Variants in ZNF697 observed in about 807,000 individuals in gnomAD.
ZNF697 encodes the protein zinc finger protein 697.
In ZNF697, 23 loss-of-function variants were observed where a neutral mutation model predicts 32.4. The observed-to-expected ratio is 0.71, with a 90% CI of 0.51 to 1.01. The LOEUF is 1.01. ZNF697 is among the 50% of genes least tolerant of loss of function. The probability of loss-of-function intolerance (pLI) is 0.00; values close to 1 mark genes in which losing one functional copy is unlikely to be tolerated. For missense variants in ZNF697, 930 were observed against 794.0 expected (o/e 1.17, Z -2.06); for synonymous variants, 418 against 337.2 (o/e 1.24, Z -2.62).
chr1:119,621,224 CAAGT>C lies in ZNF697; in HGVS notation c.*1477_*1480del, dbSNP rs1319012344. On this transcript the variant is annotated 3_prime_UTR_variant, in exon 3 of 3. Transcript: ENST00000421812. ...CTTAATTTTATTATATAAATCATGA[CAAGT>C]AAGTCTTCCTAGCAGCTGAGCTGGA... The C allele has an allele frequency of 6.6e-6, 1 of 152,140 alleles. No individual in the cohort carries two copies. The highest frequency in any genetic ancestry group is 1.5e-5 in the Non-Finnish European group (1 of 68,024). The allele number at this position is 152,140 out of a possible 1,614,324, so 9.4% of individuals were successfully genotyped here.
intron 2 of ZNF697, 36 bp downstream of exon 2, chr1:119,625,839 T>G: frequency 6.2e-7 from 1 of 1,608,524 alleles, no homozygotes; most frequent in South Asian, 1.1e-5. Flanking sequence ...AGTGTAACTT[T>G]GGCAACTTGC....
intron 1 of ZNF697, among the ~76,000 whole-genome samples, chr1:119,638,304 G>C (rs943799077): frequency 2.6e-5 from 4 of 152,220 alleles, no homozygotes; most frequent in Non-Finnish European, 5.9e-5. Flanking sequence ...CGGGCTTCCA[G>C]ATGGGACAAC....
intron 1 of ZNF697, among the ~76,000 whole-genome samples, chr1:119,633,711 T>C (rs968516184): frequency 5.9e-5 from 9 of 152,262 alleles, no homozygotes; most frequent in African/African-American, 2.2e-4. Context: ...CCCAGCCAAA[T>C]TGACACATAA....
In ZNF697 at chr1:119,622,703, C is replaced by T. The variant is rs1231508754; in HGVS notation, c.*2G>A. ...GACGGCAGCCTCCCGCGGACCCAGCCCCTAACACAGGTGCAGCTTCTGGTG... is the reference window on the plus strand; with the variant it reads ...GACGGCAGCCTCCCGCGGACCCAGCTCCTAACACAGGTGCAGCTTCTGGTG... On this transcript the variant is annotated 3_prime_UTR_variant, in exon 3 of 3. Coordinates refer to ENST00000421812, the MANE Select transcript of ZNF697 (RefSeq NM_001080470.2). 9 of 1,522,420 alleles carry T rather than the reference C, an allele frequency of 5.9e-6. No individual in the cohort carries two copies. The highest frequency in any genetic ancestry group is 1.4e-5 in the African/African-American group (1 of 72,684). 94.3% of individuals were successfully genotyped at this position (1,522,420 alleles called of 1,614,324 possible). A position where few individuals can be genotyped will look rare whatever the true frequency, so the allele number is the denominator to read the frequency against.
intron 1 of ZNF697, among the ~76,000 whole-genome samples, chr1:119,639,557 G>A (rs187688129): frequency 8.0e-4 from 121 of 152,126 alleles, no homozygotes; most frequent in African/African-American, 2.6e-3. Context: ...GTCCTTTTCC[G>A]GAGGCAGCAG....
chr1:119,634,018 G>T (rs1648854021), intron 1 of ZNF697, among the ~76,000 whole-genome samples: 1 of 152,172 alleles, frequency 6.6e-6, no homozygotes, highest in African/African-American at 2.4e-5. Flanking sequence ...AACAGGTTAA[G>T]ACTGCACCAG....
Position 119,622,488 on chromosome 1 carries a change from T to C in ZNF697, c.*217A>G. 5.6e-6 allele frequency: 5 copies of C among 889,878 alleles called. No individual in the cohort carries two copies. Among genetic ancestry groups the C allele is most frequent in the Admixed American group, 3.4e-5 (1 of 29,676 alleles). 55.1% of individuals were successfully genotyped at this position (889,878 alleles called of 1,614,324 possible). A position where few individuals can be genotyped will look rare whatever the true frequency, so the allele number is the denominator to read the frequency against. The stretch of plus-strand genomic sequence containing the variant: ...AAGTCATCACCCCAAGCGCATCTCC[T>C]GAACAATTCTTCCGTGGAGAGGAGG... On this transcript the variant is annotated 3_prime_UTR_variant, in exon 3 of 3. Coordinates refer to ENST00000421812, the MANE Select transcript of ZNF697 (RefSeq NM_001080470.2).
chr1:119,626,844 G>A (rs956049739), intron 1 of ZNF697, among the ~76,000 whole-genome samples: 2 of 152,080 alleles, frequency 1.3e-5, no homozygotes, highest in Admixed American at 1.3e-4. Flanking sequence ...AGGTACAGGG[G>A]ACCCTCTATA....
intron 1 of ZNF697, among the ~76,000 whole-genome samples, chr1:119,644,347 G>A (rs1323213183): frequency 1.3e-5 from 2 of 152,106 alleles, no homozygotes; most frequent in African/African-American, 2.4e-5. Flanking sequence ...TAGAGTTTAA[G>A]GACATAAAAA....
At chr1:119,625,716 A>G (rs1311279013) in intron 2 of ZNF697, among the ~76,000 whole-genome samples, 159 bp downstream of exon 2, 4 of 152,236 alleles carry the variant, frequency 2.6e-5, no homozygotes, top group Non-Finnish European at 5.9e-5. Context: ...GATGGTCTTC[A>G]GGCTAACACA....
At position 119,647,143 on chromosome 1, in the gene ZNF697, G is replaced by A. The variant is rs1382455513; in HGVS notation, c.-38+548C>T. Among the ~76,000 whole-genome samples, 5 of 152,308 alleles carry A rather than the reference G, an allele frequency of 3.3e-5. No homozygotes were observed. In the East Asian group the frequency reaches 9.7e-4, roughly 29 times the overall value. On this transcript the variant is annotated intron_variant, in intron 1 of 2. Transcript: ENST00000421812. The stretch of plus-strand genomic sequence containing the variant: ...AGGAAAATCGTGGAAAGTCCCAGAG[G>A]AAGTGGTAGTCAGTTCCCGATGCAT...
At position 119,623,980 on chromosome 1, in the gene ZNF697, G is replaced by C. The variant is rs769097964; in HGVS notation, c.363C>G (p.Asp121Glu). 2 of 1,610,664 alleles carry C rather than the reference G, an allele frequency of 1.2e-6. No homozygotes were observed. Among genetic ancestry groups the C allele is most frequent in the South Asian group, 1.1e-5 (1 of 90,182 alleles). The change falls in exon 3 of 3, where the codon GAC becomes GAG. Residue 121 changes from aspartate to glutamate, a missense_variant. Coordinates refer to ENST00000421812, the MANE Select transcript of ZNF697 (RefSeq NM_001080470.2). ...SISRSLREDD[D>E]ESAGENRLEE... ...CCAGCCGGTTCTCCCCAGCACTCTC[G>C]TCGTCGTCCTCCCGGAGGCTCCGGG...
Position 119,622,694 on chromosome 1 carries a change from G to A in ZNF697, c.*11C>T, listed in dbSNP as rs1056478965. On this transcript the variant is annotated 3_prime_UTR_variant, in exon 3 of 3. Transcript: ENST00000421812. ...GGCTCCCCAGACGGCAGCCTCCCGC[G>A]GACCCAGCCCCTAACACAGGTGCAG... 3 of 1,500,988 alleles carry A rather than the reference G, an allele frequency of 2.0e-6. No individual in the cohort carries two copies. Among genetic ancestry groups the A allele is most frequent in the African/African-American group, 2.8e-5 (2 of 71,910 alleles). 93.0% of individuals were successfully genotyped at this position (1,500,988 alleles called of 1,614,324 possible).
intron 1 of ZNF697, among the ~76,000 whole-genome samples, chr1:119,637,241 GA>G (rs2101091827): frequency 6.6e-6 from 1 of 152,326 alleles, no homozygotes; most frequent in African/African-American, 2.4e-5. Context: ...GCAACATAGG[GA>G]GGCCTAGTTC....
intron 1 of ZNF697, among the ~76,000 whole-genome samples, chr1:119,646,950 T>G (rs587763207): frequency 5.9e-4 from 90 of 152,222 alleles, no homozygotes; most frequent in Admixed American, 1.7e-3. Flanking sequence ...CAGTAGGGGA[T>G]GCGGAGTATT....
At chr1:119,624,645 A>G (rs1284007831) in intron 2 of ZNF697, among the ~76,000 whole-genome samples, 6 of 152,098 alleles carry the variant, frequency 3.9e-5, no homozygotes, top group African/African-American at 1.4e-4. Context: ...TCCAGGCTGG[A>G]GTGCAGTGGC....
intron 1 of ZNF697, among the ~76,000 whole-genome samples, chr1:119,629,303 A>G (rs1288471049): frequency 6.6e-6 from 1 of 152,274 alleles, no homozygotes; most frequent in Non-Finnish European, 1.5e-5. Flanking sequence ...GATAACCTCA[A>G]TCTAGAAAAC....
chr1:119,641,514 G>C (rs145620366), intron 1 of ZNF697, among the ~76,000 whole-genome samples: 285 of 152,254 alleles, frequency 1.9e-3, no homozygotes, highest in African/African-American at 6.4e-3. Flanking sequence ...ATGGGCAAAA[G>C]ATCTGAACAG....
At position 119,620,497 on chromosome 1, in the gene ZNF697, G is replaced by A. The variant is rs769780594; in HGVS notation, c.*2208C>T. On this transcript the variant is annotated 3_prime_UTR_variant, in exon 3 of 3. Coordinates refer to ENST00000421812, the MANE Select transcript of ZNF697 (RefSeq NM_001080470.2). ...ATGTACATGGAAAGAAACCCACAAA[G>A]CAGTAAGATTACCTAGAAATTGGCT... is the stretch of plus-strand genomic sequence containing the variant. The A allele has an allele frequency of 1.3e-5, 2 of 152,614 alleles. No homozygotes were observed. Among genetic ancestry groups the A allele is most frequent in the Admixed American group, 1.3e-4 (2 of 15,282 alleles). The allele number at this position is 152,614 out of a possible 1,614,324, so 9.5% of individuals were successfully genotyped here.
Sources: allele counts gnomAD v4.1 joint callset (sites outside exome capture counted in the v4.1 genomes callset), GRCh38; gene constraint gnomAD v4.1.1; transcripts MANE v1.5; gene names NCBI Gene and HGNC (gene_info 2026-07-23, HGNC 2026-07-21).